The following BICD1 variants were observed in gnomAD, a reference collection of about 807,000 sequenced individuals.
The protein encoded by BICD1 is BICD cargo adaptor 1.
A neutral mutation model predicts 92.5 loss-of-function variants in BICD1; 35 were observed. That is an observed-to-expected ratio of 0.38 (90% confidence interval 0.29 to 0.50). The LOEUF (loss-of-function observed/expected upper bound fraction) is 0.50. Among genes scored for constraint, BICD1 ranks in the 20% least tolerant of loss-of-function variants. BICD1 has a pLI of 0.93. For synonymous variants in BICD1, 429 were observed against 465.1 expected (o/e 0.92, Z 1.00); for missense variants, 950 against 1,189.8 (o/e 0.80, Z 2.97).
chr12:32,149,148 G>C (rs1222343267), intron 1 of BICD1, among the ~76,000 whole-genome samples: 1 of 152,100 alleles, frequency 6.6e-6, no homozygotes, highest in Non-Finnish European at 1.5e-5. Flanking sequence ...GTGCTGAACT[G>C]CATGGGATAG....
At chr12:32,263,513 T>C (rs7309002) in intron 2 of BICD1, among the ~76,000 whole-genome samples, 1 of 148,424 alleles carries the variant, frequency 6.7e-6, no homozygotes, top group Non-Finnish European at 1.5e-5. Flanking sequence ...GCCACTGCAC[T>C]CCAGCCTGGG....
At chr12:32,291,528 C>T (rs1382691676) in intron 2 of BICD1, among the ~76,000 whole-genome samples, 1 of 126,936 alleles carries the variant, frequency 7.9e-6, no homozygotes, top group Non-Finnish European at 1.8e-5. Flanking sequence ...CCTGCTTCTA[C>T]CAAAAAAAAA....
chr12:32,346,015 G>A (rs1185690841), intron 8 of BICD1, among the ~76,000 whole-genome samples: 12 of 152,008 alleles, frequency 7.9e-5, no homozygotes, highest in Admixed American at 7.2e-4. Flanking sequence ...CGGGCATAGT[G>A]GCATGCGCCT....
At chr12:32,292,361 A>C (rs1229969159) in intron 2 of BICD1, among the ~76,000 whole-genome samples, 1 of 152,094 alleles carries the variant, frequency 6.6e-6, no homozygotes, top group Non-Finnish European at 1.5e-5. Context: ...TGTGTGGCTG[A>C]ATTTCCCCTT....
At chr12:32,300,659 T>C (rs796398976) in intron 3 of BICD1, among the ~76,000 whole-genome samples, 1 of 112,326 alleles carries the variant, frequency 8.9e-6, no homozygotes, top group Non-Finnish European at 1.8e-5. Flanking sequence ...TTTTTTTTTT[T>C]TGGAGACAGA....
intron 1 of BICD1, among the ~76,000 whole-genome samples, chr12:32,180,307 G>C (rs1944235082): frequency 6.6e-6 from 1 of 151,574 alleles, no homozygotes; most frequent in African/African-American, 2.4e-5. Flanking sequence ...CACCTCCTCA[G>C]GATGAATGTC....
chr12:32,275,897 T>C (rs181288595), intron 2 of BICD1, among the ~76,000 whole-genome samples: 100 of 152,218 alleles, frequency 6.6e-4, no homozygotes, highest in African/African-American at 2.3e-3. Context: ...TAATAGCTCA[T>C]CGCATGGCCC....
At chr12:32,120,242 A>T (rs529145103) in intron 1 of BICD1, among the ~76,000 whole-genome samples, 7 of 152,184 alleles carry the variant, frequency 4.6e-5, no homozygotes, top group Non-Finnish European at 1.0e-4. Context: ...TTTTGGTTGT[A>T]CATCTTTACT....
chr12:32,179,694 T>C (rs1339688152), intron 1 of BICD1, among the ~76,000 whole-genome samples: 1 of 152,020 alleles, frequency 6.6e-6, no homozygotes, highest in East Asian at 1.9e-4. Context: ...AAGTAATTAA[T>C]ACCTTTGTCA....
At chr12:32,296,957 G>T (rs1006732602) in intron 3 of BICD1, among the ~76,000 whole-genome samples, 1 of 152,096 alleles carries the variant, frequency 6.6e-6, no homozygotes. Flanking sequence ...TAAAAAGGAG[G>T]GGGGACTTAC....
In BICD1 at chr12:32,243,127, C is replaced by T. The variant is rs371053445; in HGVS notation, c.426+26668C>T. On this transcript the variant is annotated intron_variant, in intron 2 of 9. Coordinates refer to ENST00000652176, the MANE Select transcript of BICD1 (RefSeq NM_001714.4). ...TTTCTTTTTTTTTTTGAGACAGGGT[C>T]TCACTCTTTGCCCAGGCCGGAGTGC... Among the ~76,000 whole-genome samples the T allele has an allele frequency of 4.6e-5, 7 of 151,094 alleles. No homozygotes were observed. In the East Asian group the frequency reaches 1.2e-3, roughly 25 times the overall value.
intron 6 of BICD1, among the ~76,000 whole-genome samples, chr12:32,335,445 C>A (rs951415620): frequency 6.6e-6 from 1 of 151,916 alleles, no homozygotes; most frequent in South Asian, 2.1e-4. Flanking sequence ...CCACCGCGCC[C>A]GGCTGTATTT....
At chr12:32,285,616 C>A (rs2136178179) in intron 2 of BICD1, among the ~76,000 whole-genome samples, 1 of 152,246 alleles carries the variant, frequency 6.6e-6, no homozygotes, top group East Asian at 1.9e-4. Flanking sequence ...TGTAAGAATG[C>A]TGCTATGCTC....
intron 9 of BICD1, among the ~76,000 whole-genome samples, chr12:32,370,137 G>A (rs533903805): frequency 6.6e-6 from 1 of 152,274 alleles, no homozygotes; most frequent in East Asian, 1.9e-4. Context: ...GGGAGGCCAA[G>A]GCCGGTGGAT....
At chr12:32,177,540 G>A (rs181329173) in intron 1 of BICD1, among the ~76,000 whole-genome samples, 39 of 149,546 alleles carry the variant, frequency 2.6e-4, no homozygotes, top group African/African-American at 8.6e-4. Context: ...ATATGTTCGC[G>A]ATTCTATAGG....
intron 1 of BICD1, among the ~76,000 whole-genome samples, chr12:32,142,453 C>CTATCTAT (rs1238808044): frequency 8.9e-6 from 1 of 112,894 alleles, no homozygotes; most frequent in Non-Finnish European, 1.7e-5. Flanking sequence ...ACCTATCTAT[C>CTATCTAT]CTATCTATCT....
At chr12:32,282,333 A>T (rs750032281) in intron 2 of BICD1, among the ~76,000 whole-genome samples, 1 of 146,228 alleles carries the variant, frequency 6.8e-6, no homozygotes, top group Non-Finnish European at 1.5e-5. Context: ...TGATCCTCCC[A>T]CTTCAGCCTC....
chr12:32,332,406 T>C (rs904116866), intron 5 of BICD1: 1 of 977,450 alleles, frequency 1.0e-6, no homozygotes, highest in African/African-American at 1.8e-5. Flanking sequence ...AAATAGGCAT[T>C]CTGTAGTCTC....
At chr12:32,332,805 AAATAGAATAAT>A in intron 5 of BICD1, 2 of 955,950 alleles carry the variant, frequency 2.1e-6, no homozygotes, top group Non-Finnish European at 2.5e-6. Flanking sequence ...TGGAGTGACA[AAATAGAATAAT>A]ATATTCAGGG....
Sources: allele counts gnomAD v4.1 joint callset (sites outside exome capture counted in the v4.1 genomes callset), GRCh38; gene constraint gnomAD v4.1.1; transcripts MANE v1.5; gene names NCBI Gene and HGNC (gene_info 2026-07-23, HGNC 2026-07-21).